The following OPCML variants were observed in gnomAD, a reference collection of about 807,000 sequenced individuals.
OPCML encodes the protein opioid binding protein/cell adhesion molecule like.
Under a neutral mutation model 37.8 loss-of-function variants are expected in OPCML, and 13 were observed. The ratio of observed to expected loss-of-function variants is 0.34; its 90% CI spans 0.22 to 0.55. The LOEUF (loss-of-function observed/expected upper bound fraction) is 0.55. Among genes scored for constraint, OPCML ranks in the 20% least tolerant of loss-of-function variants. The pLI is 0.91. For missense variants in OPCML, 341 were observed against 435.6 expected (o/e 0.78, Z 1.93); for synonymous variants, 176 against 168.8 (o/e 1.04, Z -0.33).
intron 1 of OPCML, among the ~76,000 whole-genome samples, chr11:133,012,622 T>C (rs1267801312): frequency 1.3e-5 from 2 of 152,162 alleles, no homozygotes; most frequent in Non-Finnish European, 2.9e-5. Flanking sequence ...ACACCTGTAA[T>C]CCCAGCACTT....
At position 132,416,470 on chromosome 11, in the gene OPCML, C is replaced by A. The variant is rs2095939009; in HGVS notation, c.*3723G>T. The A allele has an allele frequency of 2.0e-5, 3 of 152,220 alleles. No homozygotes were observed. In the South Asian group the frequency reaches 6.2e-4, roughly 32 times the overall value. 9.4% of individuals were successfully genotyped at this position (152,220 alleles called of 1,614,324 possible). On this transcript the variant is annotated 3_prime_UTR_variant, in exon 8 of 8. Transcript: ENST00000524381. ...TCTCTGCTTTTCTCATGGAATAGTT[C>A]TTTCAGCATAAATAGAACTTGCTGA...
chr11:132,719,778 C>T (rs979974800), intron 2 of OPCML, among the ~76,000 whole-genome samples: 6 of 152,316 alleles, frequency 3.9e-5, no homozygotes, highest in African/African-American at 1.2e-4. Context: ...TGAGTTGCCC[C>T]TCAACTTCTC....
chr11:133,372,997 A>T (rs184144202), intron 1 of OPCML, among the ~76,000 whole-genome samples: 1 of 152,352 alleles, frequency 6.6e-6, no homozygotes, highest in East Asian at 1.9e-4. Context: ...CAAAATACAA[A>T]ATACTCTTTT....
chr11:132,612,820 C>A (rs1253497758), intron 3 of OPCML, among the ~76,000 whole-genome samples: 1 of 152,144 alleles, frequency 6.6e-6, no homozygotes. Context: ...GATGGTTGGG[C>A]TCTGCAGTCC....
intron 1 of OPCML, among the ~76,000 whole-genome samples, chr11:133,409,567 T>C (rs4604893): frequency 0.076 from 11,630 of 152,192 alleles, 588 homozygotes; most frequent in East Asian, 0.16. Context: ...GGGTCTTATA[T>C]ACATTTTATC....
chr11:133,372,533 C>T (rs993004293), intron 1 of OPCML, among the ~76,000 whole-genome samples: 3 of 152,162 alleles, frequency 2.0e-5, no homozygotes, highest in African/African-American at 4.8e-5. Context: ...ATTTATTTAA[C>T]TTCAATGAAG....
At chr11:132,681,654 G>A (rs1193362429) in intron 2 of OPCML, among the ~76,000 whole-genome samples, 1 of 152,216 alleles carries the variant, frequency 6.6e-6, no homozygotes, top group East Asian at 1.9e-4. Context: ...GGGTGTGGGT[G>A]CAAAAGATCA....
At chr11:133,434,937 G>A in intron 1 of OPCML, among the ~76,000 whole-genome samples, 1 of 150,722 alleles carries the variant, frequency 6.6e-6, no homozygotes, top group Admixed American at 6.6e-5. Flanking sequence ...CAGTAGTGCA[G>A]ACATGAAAGG....
At chr11:133,422,247 C>T in intron 1 of OPCML, 1 of 984,828 alleles carries the variant, frequency 1.0e-6, no homozygotes, top group Non-Finnish European at 1.2e-6. Flanking sequence ...TACCAGGGAT[C>T]TGAGTTTTGA....
chr11:132,928,935 AG>A (rs1157597468), intron 2 of OPCML, among the ~76,000 whole-genome samples: 1 of 151,956 alleles, frequency 6.6e-6, no homozygotes, highest in Non-Finnish European at 1.5e-5. Flanking sequence ...ACATACCAAA[AG>A]TTATAGGATG....
intron 1 of OPCML, among the ~76,000 whole-genome samples, chr11:133,382,149 C>T (rs976302455): frequency 1.3e-5 from 2 of 152,218 alleles, no homozygotes; most frequent in African/African-American, 4.8e-5. Flanking sequence ...TTTGACTTGA[C>T]TTACTGTTTT....
chr11:132,529,491 G>A (rs1339165943), intron 3 of OPCML, among the ~76,000 whole-genome samples: 1 of 152,084 alleles, frequency 6.6e-6, no homozygotes, highest in Non-Finnish European at 1.5e-5. Context: ...TATTCACAAA[G>A]CCTTCCAAGA....
chr11:132,909,130 G>A (rs1367088572), intron 2 of OPCML, among the ~76,000 whole-genome samples: 1 of 152,196 alleles, frequency 6.6e-6, no homozygotes, highest in Non-Finnish European at 1.5e-5. Flanking sequence ...GCCCTTGGGA[G>A]GTCGTCTCCC....
At position 133,240,212 on chromosome 11, in the gene OPCML, CAAAAA is replaced by C. The variant is rs35643678; in HGVS notation, c.61+292047_61+292051del. Among the ~76,000 whole-genome samples, 8 of 66,046 alleles carry C rather than the reference CAAAAA, an allele frequency of 1.2e-4. 1 individual carries two copies. Among genetic ancestry groups the C allele is most frequent in the Admixed American group, 4.2e-4 (2 of 4,818 alleles). The allele number at this position is 66,046 out of a possible 152,430, so 43.3% of individuals were successfully genotyped here. ...TGAATGAATACTCCCACACTTGGGG[CAAAAA>C]AAAAAAAAAAAAAAAAAACAGAGGG... On this transcript the variant is annotated intron_variant, in intron 1 of 7. Coordinates refer to ENST00000524381, the MANE Select transcript of OPCML (RefSeq NM_001012393.5).
intron 1 of OPCML, among the ~76,000 whole-genome samples, chr11:133,076,967 T>G (rs957156701): frequency 3.9e-5 from 6 of 152,142 alleles, no homozygotes; most frequent in African/African-American, 1.4e-4. Context: ...TAGTGATGGT[T>G]GGCGGTGGGG....
At chr11:133,437,015 T>C (rs1946247938) in intron 1 of OPCML, among the ~76,000 whole-genome samples, 1 of 152,218 alleles carries the variant, frequency 6.6e-6, no homozygotes, top group South Asian at 2.1e-4. Flanking sequence ...AGCCCAGCCA[T>C]CACCCTTATG....
intron 1 of OPCML, among the ~76,000 whole-genome samples, chr11:133,410,729 G>T (rs1333220128): frequency 1.5e-5 from 2 of 136,782 alleles, no homozygotes; most frequent in East Asian, 4.8e-4. Context: ...GCAAGCAGTA[G>T]CAAGTCTCCA....
At chr11:133,005,418 C>T (rs2136859821) in intron 1 of OPCML, 1 of 985,348 alleles carries the variant, frequency 1.0e-6, no homozygotes, top group Non-Finnish European at 1.2e-6. Context: ...ACCCTAACAC[C>T]CATGTTCTCC....
At chr11:132,824,081 C>T (rs1343592182) in intron 2 of OPCML, among the ~76,000 whole-genome samples, 1 of 152,148 alleles carries the variant, frequency 6.6e-6, no homozygotes, top group Admixed American at 6.5e-5. Flanking sequence ...CTCACTGATG[C>T]TGCAGCCTTT....
Sources: gnomAD v4.1 joint callset for allele counts (sites outside exome capture counted in the v4.1 genomes callset) on GRCh38, gnomAD v4.1.1 for gene constraint, MANE v1.5 for transcripts, NCBI Gene and HGNC (gene_info 2026-07-23, HGNC 2026-07-21) for gene names.